CHST12: variants seen among roughly 807,000 people sequenced by gnomAD.
CHST12 encodes carbohydrate (chondroitin 4) sulfotransferase 12.
Under a neutral mutation model 27.9 loss-of-function variants are expected in CHST12, and 23 were observed. The ratio of observed to expected loss-of-function variants is 0.82; its 90% CI spans 0.59 to 1.17. The LOEUF (loss-of-function observed/expected upper bound fraction) is 1.17, where lower values mean the gene tolerates loss of function less well. CHST12 is among the 50% of genes most tolerant of loss of function. The pLI, the probability that CHST12 is intolerant of heterozygous loss-of-function variation, is 0.00. For missense variants in CHST12, 682 were observed against 603.0 expected (o/e 1.13, Z -1.37); for synonymous variants, 322 against 273.0 (o/e 1.18, Z -1.77).
Position 2,447,704 on chromosome 7 carries a change from C to T in CHST12, c.*13820C>T, listed in dbSNP as rs1399071576. ...GCCAGGCTGGTCTCGAACTTCTGAC[C>T]TCAAGTGATTCGCCCGCCTCGGCCT... On this transcript the variant is annotated 3_prime_UTR_variant, in exon 2 of 2. Coordinates refer to ENST00000618655, the MANE Select transcript of CHST12 (RefSeq NM_018641.5). 6.6e-6 allele frequency: 1 copy of T among 152,060 alleles called. No individual in the cohort carries two copies. Among genetic ancestry groups the T allele is most frequent in the African/African-American group, 2.4e-5 (1 of 41,396 alleles). The allele number at this position is 152,060 out of a possible 1,614,324, so 9.4% of individuals were successfully genotyped here.
At chr7:2,431,770 A>C (rs1782274994) in intron 1 of CHST12, among the ~76,000 whole-genome samples, 1 of 152,176 alleles carries the variant, frequency 6.6e-6, no homozygotes, top group South Asian at 2.1e-4. Context: ...GGCCCTGATG[A>C]AGCTGTAGGG....
intron 1 of CHST12, among the ~76,000 whole-genome samples, chr7:2,411,100 G>C (rs1365987046): frequency 6.6e-6 from 1 of 151,876 alleles, no homozygotes; most frequent in Non-Finnish European, 1.5e-5. Flanking sequence ...TTTGAGATGA[G>C]ATCTCACTCT....
At chr7:2,408,977 C>T (rs1781595476) in intron 1 of CHST12, among the ~76,000 whole-genome samples, 1 of 152,168 alleles carries the variant, frequency 6.6e-6, no homozygotes, top group Non-Finnish European at 1.5e-5. Flanking sequence ...GGAGTTGATA[C>T]AGTTGGCAGA....
Position 2,426,865 on chromosome 7 carries a change from C to T in CHST12, c.-77-5698C>T, listed in dbSNP as rs995084047. 7.2e-5 allele frequency among the ~76,000 whole-genome samples: 11 copies of T among 152,116 alleles called. No homozygotes were observed. The East Asian group carries it at 2.1e-3, about 29-fold the overall frequency. ...AATTAGCCGGGTGTCAGGGTGGGCACCTGTAATCCTAGCTGCCTGGGAGGC... is the reference window on the plus strand; with the variant it reads ...AATTAGCCGGGTGTCAGGGTGGGCATCTGTAATCCTAGCTGCCTGGGAGGC... On this transcript the variant is annotated intron_variant, in intron 1 of 1. Transcript: ENST00000618655.
chr7:2,439,912 G>T lies in CHST12; in HGVS notation c.*6028G>T, dbSNP rs910718587. On this transcript the variant is annotated 3_prime_UTR_variant, in exon 2 of 2. Transcript: ENST00000618655. ...AATTTTTTTTTTTGGTAGATACGGG[G>T]TCTTGCTTTGTCACCCAGGCTGGTC... The T allele has an allele frequency of 2.6e-5, 4 of 151,994 alleles. No individual in the cohort carries two copies. The highest frequency in any genetic ancestry group is 9.7e-5 in the African/African-American group (4 of 41,404). 9.4% of individuals were successfully genotyped at this position (151,994 alleles called of 1,614,324 possible). A position where few individuals can be genotyped will look rare whatever the true frequency, so the allele number is the denominator to read the frequency against.
rs1472046164 is a variant in CHST12, at chr7:2,437,497, C to T, written c.*3613C>T. The T allele has an allele frequency of 6.6e-6, 1 of 152,190 alleles. No homozygotes were observed. The highest frequency in any genetic ancestry group is 2.4e-5 in the African/African-American group (1 of 41,420). 9.4% of individuals were successfully genotyped at this position (152,190 alleles called of 1,614,324 possible). On this transcript the variant is annotated 3_prime_UTR_variant, in exon 2 of 2. Transcript: ENST00000618655. ...TCTTCATTCGCTGATACTTACAACC[C>T]CCAGTGGATATTTAGTGGAGTTTGC...
chr7:2,422,098 C>T (rs1229314588), intron 1 of CHST12, among the ~76,000 whole-genome samples: 1 of 152,202 alleles, frequency 6.6e-6, no homozygotes. Flanking sequence ...ACGGCGGCAG[C>T]ATCCCTGGCC....
At chr7:2,424,836 GA>G (rs1211062646) in intron 1 of CHST12, among the ~76,000 whole-genome samples, 6 of 152,142 alleles carry the variant, frequency 3.9e-5, no homozygotes, top group African/African-American at 9.7e-5. Context: ...GATGCTGTGG[GA>G]AAAGAGACAC....
At chr7:2,411,170 C>T (rs1299661425) in intron 1 of CHST12, among the ~76,000 whole-genome samples, 1 of 152,016 alleles carries the variant, frequency 6.6e-6, no homozygotes, top group African/African-American at 2.4e-5. Flanking sequence ...GCAGCCTCAG[C>T]CTCCTGGGCT....
At position 2,432,843 on chromosome 7, in the gene CHST12, G is replaced by A. The variant is rs1782322588; in HGVS notation, c.204G>A (p.Glu68=). The change falls in exon 2 of 2, where the codon GAG becomes GAA. Residue 68 remains glutamate, a synonymous_variant. Coordinates refer to ENST00000618655, the MANE Select transcript of CHST12 (RefSeq NM_018641.5). ...TCACGGCCGACTCCGATGTCGACGA[G>A]TTTCTGGACAAGTTTCTCAGTGCTG... ...RELTADSDVD[E]FLDKFLSAGV... is the part of the protein sequence containing the mutation. 1.2e-6 allele frequency: 2 copies of A among 1,613,750 alleles called. No individual in the cohort carries two copies. The highest frequency in any genetic ancestry group is 1.3e-5 in the African/African-American group (1 of 74,928).
intron 1 of CHST12, among the ~76,000 whole-genome samples, chr7:2,431,777 A>G (rs1222267801): frequency 6.6e-6 from 1 of 152,182 alleles, no homozygotes; most frequent in African/African-American, 2.4e-5. Flanking sequence ...ATGAAGCTGT[A>G]GGGTGCAGTT....
chr7:2,416,534 C>T (rs1781813263), intron 1 of CHST12, among the ~76,000 whole-genome samples: 1 of 152,134 alleles, frequency 6.6e-6, no homozygotes, highest in Non-Finnish European at 1.5e-5. Context: ...AATAATAAGA[C>T]CTAAAAGTCA....
intron 1 of CHST12, among the ~76,000 whole-genome samples, chr7:2,423,073 A>T (rs2906181): frequency 3.9e-4 from 59 of 151,556 alleles, no homozygotes; most frequent in Non-Finnish European, 7.5e-4. Context: ...GCCAGGAGTT[A>T]GAGACCAGCC....
chr7:2,412,179 T>A (rs1215780770), intron 1 of CHST12, among the ~76,000 whole-genome samples: 2 of 152,218 alleles, frequency 1.3e-5, no homozygotes, highest in African/African-American at 4.8e-5. Context: ...CATATTTTTA[T>A]TTGGATATAC....
At position 2,432,950 on chromosome 7, in the gene CHST12, A is replaced by G. The variant is rs1347581626; in HGVS notation, c.311A>G (p.Tyr104Cys). 1 of 1,610,942 alleles carries G rather than the reference A, an allele frequency of 6.2e-7. No individual in the cohort carries two copies. The highest frequency in any genetic ancestry group is 1.1e-5 in the South Asian group (1 of 91,040). ...AGCATGGAGGAGAGCGTGAGAGGCT[A>G]CGACTGGTCCCCGCGCGACGCCCGG... ...PGSMEESVRGYDWSPRDARRS... is the reference protein window; with the variant it reads ...PGSMEESVRGCDWSPRDARRS... The change falls in exon 2 of 2, where the codon TAC becomes TGC. Residue 104 changes from tyrosine to cysteine, a missense_variant. Tyr to Cys is a radical substitution (Grantham distance 194). Coordinates refer to ENST00000618655, the MANE Select transcript of CHST12 (RefSeq NM_018641.5).
chr7:2,419,662 G>T (rs1781912931), intron 1 of CHST12, among the ~76,000 whole-genome samples: 1 of 149,514 alleles, frequency 6.7e-6, no homozygotes, highest in Admixed American at 6.7e-5. Context: ...AGCTGAGATT[G>T]TGCAACTGCA....
intron 1 of CHST12, among the ~76,000 whole-genome samples, chr7:2,412,109 C>T (rs1225173005): frequency 6.6e-6 from 1 of 152,226 alleles, no homozygotes; most frequent in Non-Finnish European, 1.5e-5. Context: ...GCTCAGTTTT[C>T]ATTCAGGTCT....
Position 2,442,081 on chromosome 7 carries a change from C to G in CHST12, c.*8197C>G, listed in dbSNP as rs548833764. On this transcript the variant is annotated 3_prime_UTR_variant, in exon 2 of 2. Coordinates refer to ENST00000618655, the MANE Select transcript of CHST12 (RefSeq NM_018641.5). The stretch of plus-strand genomic sequence containing the variant: ...GCCCCCCCAAAGCCCCTGGCACCAA[C>G]CATTCTACTTCCTGTCTCTGAGTTT... The G allele has an allele frequency of 7.3e-4, 111 of 152,294 alleles. No homozygotes were observed. The highest frequency in any genetic ancestry group is 2.6e-3 in the African/African-American group (109 of 41,556). 9.4% of individuals were successfully genotyped at this position (152,294 alleles called of 1,614,324 possible).
At chr7:2,419,279 C>G (rs1781898378) in intron 1 of CHST12, among the ~76,000 whole-genome samples, 1 of 149,370 alleles carries the variant, frequency 6.7e-6, no homozygotes, top group Non-Finnish European at 1.5e-5. Flanking sequence ...CGTGGTGGTG[C>G]ACACCTGTAA....
Sources: allele counts gnomAD v4.1 joint callset (sites outside exome capture counted in the v4.1 genomes callset), GRCh38; gene constraint gnomAD v4.1.1; transcripts MANE v1.5; gene names NCBI Gene and HGNC (gene_info 2026-07-23, HGNC 2026-07-21).